Variants in ACOXL observed in about 807,000 individuals in gnomAD.
ACOXL encodes the protein acyl-coenzyme A oxidase-like protein.
In ACOXL, 70 loss-of-function variants were observed where a neutral mutation model predicts 71.9. The ratio of observed to expected loss-of-function variants is 0.97; its 90% CI spans 0.80 to 1.19. The LOEUF is 1.19. ACOXL is among the 50% of genes most tolerant of loss of function. ACOXL has a pLI of 0.00. For synonymous variants in ACOXL, 253 were observed against 281.6 expected (o/e 0.90, Z 1.02); for missense variants, 703 against 736.3 (o/e 0.95, Z 0.52).
intron 14 of ACOXL, among the ~76,000 whole-genome samples, chr2:111,027,808 C>T (rs1170224197): frequency 6.6e-6 from 1 of 152,014 alleles, no homozygotes; most frequent in Non-Finnish European, 1.5e-5. Context: ...AAGGAATGTG[C>T]CTTGCTAGTT....
Position 110,790,904 on chromosome 2 carries a change from C to A in ACOXL, c.160-2746C>A, listed in dbSNP as rs145910285. Among the ~76,000 whole-genome samples the A allele has an allele frequency of 3.4e-3, 525 of 152,356 alleles. 2 individuals are homozygous for A. Among genetic ancestry groups the A allele is most frequent in the Middle Eastern group, 6.8e-3 (2 of 294 alleles). On this transcript the variant is annotated intron_variant, in intron 3 of 17. Transcript: ENST00000439055. ...AAACTCAGGCCACACACCCAGGTGTCTCTCAGAGTCCTCTTTTTCCTTCTC... is the reference window on the plus strand; with the variant it reads ...AAACTCAGGCCACACACCCAGGTGTATCTCAGAGTCCTCTTTTTCCTTCTC...
chr2:110,815,592 C>T (rs1687820997), intron 9 of ACOXL, among the ~76,000 whole-genome samples: 1 of 152,158 alleles, frequency 6.6e-6, no homozygotes. Context: ...GCAAAGTCCC[C>T]TGCTTCTGTG....
chr2:111,004,413 C>T (rs750933005), intron 14 of ACOXL, among the ~76,000 whole-genome samples: 1 of 152,156 alleles, frequency 6.6e-6, no homozygotes, highest in South Asian at 2.1e-4. Flanking sequence ...GTCGAGAAGA[C>T]CATTGAGTTC....
intron 12 of ACOXL, among the ~76,000 whole-genome samples, chr2:110,949,121 T>G (rs1204223216): frequency 1.3e-5 from 2 of 152,136 alleles, no homozygotes; most frequent in Non-Finnish European, 2.9e-5. Flanking sequence ...ATTGCATTTG[T>G]GGGCAGGACA....
chr2:110,757,060 C>G (rs933526770), intron 1 of ACOXL, among the ~76,000 whole-genome samples: 2 of 152,146 alleles, frequency 1.3e-5, no homozygotes, highest in African/African-American at 4.8e-5. Flanking sequence ...CTCCAACCCC[C>G]CCCAAGACAG....
At chr2:110,994,959 T>C (rs2063325272) in intron 13 of ACOXL, among the ~76,000 whole-genome samples, 1 of 152,142 alleles carries the variant, frequency 6.6e-6, no homozygotes, top group Non-Finnish European at 1.5e-5. Context: ...AAACTCTACA[T>C]TGGATAATTA....
At chr2:110,897,710 G>A (rs926649942) in intron 10 of ACOXL, among the ~76,000 whole-genome samples, 7 of 148,050 alleles carry the variant, frequency 4.7e-5, no homozygotes, top group South Asian at 2.2e-4. Context: ...AACAAAATAC[G>A]TGGAAAGGAA....
At chr2:111,006,177 G>A (rs1381210441) in intron 14 of ACOXL, among the ~76,000 whole-genome samples, 1 of 152,232 alleles carries the variant, frequency 6.6e-6, no homozygotes, top group Non-Finnish European at 1.5e-5. Flanking sequence ...TGATGGAGGG[G>A]CTCTCTTTGT....
intron 9 of ACOXL, among the ~76,000 whole-genome samples, chr2:110,822,999 A>G (rs1351994447): frequency 6.6e-6 from 1 of 152,108 alleles, no homozygotes; most frequent in African/African-American, 2.4e-5. Context: ...ACACCTGTAC[A>G]CCCAGCACTT....
intron 16 of ACOXL, among the ~76,000 whole-genome samples, chr2:111,050,936 T>A (rs1685271456): frequency 6.6e-6 from 1 of 152,194 alleles, no homozygotes; most frequent in African/African-American, 2.4e-5. Flanking sequence ...CTCTAGCACA[T>A]TCGGTTAGAA....
At chr2:111,097,460 C>G (rs2068867145) in intron 17 of ACOXL, among the ~76,000 whole-genome samples, 1 of 152,216 alleles carries the variant, frequency 6.6e-6, no homozygotes, top group African/African-American at 2.4e-5. Flanking sequence ...AAATCACCAT[C>G]AGAACAACAA....
chr2:110,805,273 G>C lies in ACOXL; in HGVS notation c.631G>C (p.Val211Leu), dbSNP rs762071917. ...CTCTCTTTTCCACAGGTTTGGTTCCGTGGCTCCAGATGGACAGTACCATTC... is the reference window on the plus strand; with the variant it reads ...CTCTCTTTTCCACAGGTTTGGTTCCCTGGCTCCAGATGGACAGTACCATTC... ...RENLLDKFGS[V>L]APDGQYHSPI... The change falls in exon 9 of 18, where the codon GTG (valine) becomes CTG (leucine). Residue 211 changes from valine (V) to leucine (L), a missense_variant. Coordinates refer to ENST00000439055, the MANE Select transcript of ACOXL (RefSeq NM_001142807.4). 2.5e-6 allele frequency: 4 copies of C among 1,614,088 alleles called. No homozygotes were observed. The highest frequency in any genetic ancestry group is 1.7e-5 in the Admixed American group (1 of 60,014).
At chr2:111,042,152 A>G (rs980134837) in intron 15 of ACOXL, among the ~76,000 whole-genome samples, 10 of 152,220 alleles carry the variant, frequency 6.6e-5, no homozygotes, top group African/African-American at 2.4e-4. Flanking sequence ...GTCAGCCCCC[A>G]TTACGTTCCC....
In ACOXL at chr2:110,757,303, ATGGGTATT is replaced by A. The variant is rs978289756; in HGVS notation, c.-22-11063_-22-11056del. 2.3e-4 allele frequency among the ~76,000 whole-genome samples: 35 copies of A among 152,106 alleles called. 1 individual carries two copies. The highest frequency in any genetic ancestry group is 4.3e-4 in the Non-Finnish European group (29 of 68,036). ...ATTTTCTTTATTCAGTCTATCATTG[ATGGGTATT>A]TAGGTTGATTCCATGTCTTTGCTAA... On this transcript the variant is annotated intron_variant, in intron 1 of 17. Transcript: ENST00000439055.
chr2:110,828,330 G>T (rs1411626696), intron 9 of ACOXL, among the ~76,000 whole-genome samples: 2 of 152,126 alleles, frequency 1.3e-5, no homozygotes, highest in African/African-American at 4.8e-5. Flanking sequence ...TATACACAGG[G>T]TTCTAATGTG....
chr2:110,750,176 T>A (rs1230716792), intron 1 of ACOXL, among the ~76,000 whole-genome samples: 1 of 152,188 alleles, frequency 6.6e-6, no homozygotes, highest in East Asian at 1.9e-4. Context: ...GGTGAGTGGG[T>A]AGGTGGGGCT....
intron 10 of ACOXL, among the ~76,000 whole-genome samples, chr2:110,867,120 C>T (rs1228489759): frequency 6.6e-6 from 1 of 152,044 alleles, no homozygotes; most frequent in Admixed American, 6.5e-5. Context: ...AGCAGAGTGT[C>T]CTGGGTGCTG....
chr2:110,804,597 AG>A (rs1686401808), intron 8 of ACOXL, among the ~76,000 whole-genome samples: 1 of 152,052 alleles, frequency 6.6e-6, no homozygotes, highest in African/African-American at 2.4e-5. Context: ...CCATCGACTG[AG>A]GAAACAGGAA....
chr2:110,778,433 G>T (rs1682924978), intron 2 of ACOXL, among the ~76,000 whole-genome samples: 1 of 152,170 alleles, frequency 6.6e-6, no homozygotes, highest in African/African-American at 2.4e-5. Flanking sequence ...TATCATATAT[G>T]AATTTATACT....
Sources: gnomAD v4.1 joint callset for allele counts (sites outside exome capture counted in the v4.1 genomes callset) on GRCh38, gnomAD v4.1.1 for gene constraint, MANE v1.5 for transcripts, NCBI Gene and HGNC (gene_info 2026-07-23, HGNC 2026-07-21) for gene names.